The following SMURF1 variants were observed in gnomAD, a reference collection of about 807,000 sequenced individuals.
The protein encoded by SMURF1 is SMAD specific E3 ubiquitin protein ligase 1.
A neutral mutation model predicts 98.0 loss-of-function variants in SMURF1; 44 were observed. The ratio of observed to expected loss-of-function variants is 0.45; its 90% confidence interval spans 0.35 to 0.58. The LOEUF (loss-of-function observed/expected upper bound fraction) is 0.58, where lower values mean the gene tolerates loss of function less well. Among genes scored for constraint, SMURF1 ranks in the 20% least tolerant of loss-of-function variants. The probability of loss-of-function intolerance (pLI) is 0.00; values close to 1 mark genes in which losing one functional copy is unlikely to be tolerated. For missense variants in SMURF1, 687 were observed against 938.4 expected, an observed-to-expected ratio of 0.73 and a Z score of 3.50; for synonymous variants, 396 against 374.9, an observed-to-expected ratio of 1.06 and a Z score of -0.65.
chr7:99,121,909 G>A (rs1797635994), intron 1 of SMURF1, among the ~76,000 whole-genome samples: 1 of 152,196 alleles, frequency 6.6e-6, no homozygotes. Flanking sequence ...AGGAACCAGG[G>A]AGCGGCGAGG....
intron 5 of SMURF1, among the ~76,000 whole-genome samples, chr7:99,056,150 G>A (rs1413489600): frequency 1.3e-5 from 2 of 152,166 alleles, no homozygotes; most frequent in East Asian, 1.9e-4. Flanking sequence ...GAAAGCATTC[G>A]GTGAGAACTT....
At position 99,060,603 on chromosome 7, in the gene SMURF1, C is replaced by A; in HGVS notation, c.199G>T (p.Asp67Tyr). 1.2e-6 allele frequency: 2 copies of A among 1,611,986 alleles called. No homozygotes were observed. Among genetic ancestry groups the A allele is most frequent in the Non-Finnish European group, 1.7e-6 (2 of 1,178,792 alleles). The change falls in exon 3 of 18, where the codon GAT becomes TAT. Residue 67 changes from aspartate to tyrosine, a missense_variant. Coordinates refer to ENST00000361368, the MANE Select transcript of SMURF1 (RefSeq NM_181349.3). ...CTTACAGAACATTCAACTCACAGAT[C>A]ATAGTGCTGGTTCCACTTTGGGTCC... ...TLDPKWNQHY[D>Y]LYVGKTDSIT...
intron 1 of SMURF1, among the ~76,000 whole-genome samples, chr7:99,087,668 G>A (rs1371850712): frequency 6.6e-6 from 1 of 152,192 alleles, no homozygotes; most frequent in East Asian, 1.9e-4. Flanking sequence ...GATAGTGCAA[G>A]GCTGATCGCT....
At chr7:99,049,276 G>A (rs1201381827) in intron 9 of SMURF1, 14 of 363,870 alleles carry the variant, frequency 3.8e-5, no homozygotes, top group African/African-American at 1.5e-4. Flanking sequence ...TCATGAGAGC[G>A]CTGCGTGCGG....
chr7:99,110,104 G>C (rs1797286177), intron 1 of SMURF1, among the ~76,000 whole-genome samples: 1 of 152,038 alleles, frequency 6.6e-6, no homozygotes, highest in Non-Finnish European at 1.5e-5. Flanking sequence ...CTATTATAAA[G>C]AATAAGAATA....
At chr7:99,134,246 A>T (rs959471742) in intron 1 of SMURF1, among the ~76,000 whole-genome samples, 19 of 151,894 alleles carry the variant, frequency 1.3e-4, no homozygotes, top group African/African-American at 4.4e-4. Context: ...CAATCCTTAG[A>T]ATCTGTGAAC....
At chr7:99,102,738 G>C (rs181917452) in intron 1 of SMURF1, among the ~76,000 whole-genome samples, 2 of 152,258 alleles carry the variant, frequency 1.3e-5, no homozygotes, top group Admixed American at 1.3e-4. Flanking sequence ...TAGATAATTA[G>C]AAAGCATCAA....
chr7:99,086,571 A>C (rs536166265), intron 1 of SMURF1, among the ~76,000 whole-genome samples: 4 of 152,174 alleles, frequency 2.6e-5, no homozygotes, highest in Non-Finnish European at 5.9e-5. Context: ...TAAAATACCA[A>C]AGAAAAGTGA....
rs571165001 is a variant in SMURF1 at position 99,092,894 on chromosome 7, G to A, written c.56-31057C>T. On this transcript the variant is annotated intron_variant, in intron 1 of 17. Transcript: ENST00000361368. ...CCTAACCCCCTATTCCTCTGGGAAC[G>A]ATGGTTCAGGATTCGCTAATTTGGT... 3.3e-5 allele frequency among the ~76,000 whole-genome samples: 5 copies of A among 152,294 alleles called. No homozygotes were observed. In the East Asian group the frequency reaches 5.8e-4, roughly 18 times the overall value.
intron 1 of SMURF1, among the ~76,000 whole-genome samples, chr7:99,086,336 A>C (rs1338444739): frequency 6.6e-6 from 1 of 151,200 alleles, no homozygotes; most frequent in African/African-American, 2.4e-5. Context: ...ACAGAGTGAG[A>C]CTCTCTCAAA....
At chr7:99,050,334 C>T (rs1277539459) in intron 8 of SMURF1, 1 of 152,768 alleles carries the variant, frequency 6.5e-6, no homozygotes, top group East Asian at 1.9e-4. Flanking sequence ...TGTCAGAAAA[C>T]TATCTGAATT....
In SMURF1 at chr7:99,045,789, G is replaced by A; in HGVS notation, c.1165C>T (p.Gln389Ter). The A allele has an allele frequency of 6.2e-7, 1 of 1,613,552 alleles. No individual in the cohort carries two copies. The highest frequency in any genetic ancestry group is 8.5e-7 in the Non-Finnish European group (1 of 1,179,492). ...REEIFEESYR[Q>*]IMKMRPKDLK... Reference sequence around the variant, plus strand: ...TCTTTCGGTCGCATCTTCATTATCTGGCGGTAAGACTCCTGAAGAGCAACA... The same window carrying A: ...TCTTTCGGTCGCATCTTCATTATCTAGCGGTAAGACTCCTGAAGAGCAACA... Residue 389 changes from glutamine (Q) to a stop codon, truncating the protein, a stop_gained, in exon 11 of 18, where the codon CAG becomes TAG. Coordinates refer to ENST00000361368, the MANE Select transcript of SMURF1 (RefSeq NM_181349.3). LOFTEE classifies it high-confidence loss of function.
At position 99,045,770 on chromosome 7, in the gene SMURF1, G is replaced by A. The variant is rs760459049; in HGVS notation, c.1184C>T (p.Pro395Leu). 7.4e-6 allele frequency: 12 copies of A among 1,613,956 alleles called. No homozygotes were observed. The highest frequency in any genetic ancestry group is 1.0e-5 in the Non-Finnish European group (12 of 1,180,006). The change falls in exon 11 of 18, where the codon CCG becomes CTG. Residue 395 changes from proline to leucine, a missense_variant. This residue lies in a region of SMURF1 where 415 missense variants were observed against 508.4 expected (regional missense o/e 0.82). Transcript: ENST00000361368. Reference sequence around the variant, plus strand: ...CATCAGCCGTTTTTTCAAGTCTTTCGGTCGCATCTTCATTATCTGGCGGTA... The same window carrying A: ...CATCAGCCGTTTTTTCAAGTCTTTCAGTCGCATCTTCATTATCTGGCGGTA... ...ESYRQIMKMR[P>L]KDLKKRLMVK...
chr7:99,042,566 C>A (rs971006834), intron 11 of SMURF1, among the ~76,000 whole-genome samples: 1 of 152,188 alleles, frequency 6.6e-6, no homozygotes, highest in African/African-American at 2.4e-5. Context: ...TGAGCCACCA[C>A]GCTCAGCCTA....
At chr7:99,032,401 G>A (rs1390238620) in intron 17 of SMURF1, among the ~76,000 whole-genome samples, 1 of 152,228 alleles carries the variant, frequency 6.6e-6, no homozygotes, top group Non-Finnish European at 1.5e-5. Flanking sequence ...GGGCTTGGTG[G>A]CTCACGCCTG....
chr7:99,113,837 TAAAAAAAAAAA>T (rs71118659), intron 1 of SMURF1, among the ~76,000 whole-genome samples: 2 of 33,950 alleles, frequency 5.9e-5, no homozygotes, highest in African/African-American at 2.9e-4. Context: ...AGACTCCGTC[TAAAAAAAAAAA>T]AAAAAAAAAA....
At position 99,030,671 on chromosome 7, in the gene SMURF1, G is replaced by A. The variant is rs537408968; in HGVS notation, c.2109C>T (p.Ile703=). 29 of 1,613,858 alleles carry A rather than the reference G, an allele frequency of 1.8e-5. No homozygotes were observed. Among genetic ancestry groups the A allele is most frequent in the Admixed American group, 1.2e-4 (7 of 60,000 alleles). ...LPKAHTCFNR[I]DIPPYESYEK... The stretch of plus-strand genomic sequence containing the variant: ...CATAGGACTCATATGGTGGAATGTC[G>A]ATCCGGTTAAAGCTGAAAAAGGACA... Residue 703 remains isoleucine, a synonymous_variant, in exon 18 of 18, where the codon ATC becomes ATT. Coordinates refer to ENST00000361368, the MANE Select transcript of SMURF1 (RefSeq NM_181349.3).
Position 99,045,740 on chromosome 7 carries a change from T to G in SMURF1, c.1214A>C (p.Lys405Thr). Residue 405 changes from lysine (K) to threonine (T), a missense_variant, in exon 11 of 18, where the codon AAA becomes ACA. Physicochemically the swap from Lys to Thr is moderately conservative, Grantham distance 78. Coordinates refer to ENST00000361368, the MANE Select transcript of SMURF1 (RefSeq NM_181349.3). ...ATCCAAACCTTCTTCCCCACGGAAT[T>G]TCACCATCAGCCGTTTTTTCAAGTC... ...PKDLKKRLMV[K>T]FRGEEGLDYG... is the part of the protein sequence containing the mutation. 1 of 1,614,238 alleles carries G rather than the reference T, an allele frequency of 6.2e-7. No individual in the cohort carries two copies. Among genetic ancestry groups the G allele is most frequent in the Middle Eastern group, 1.6e-4 (1 of 6,062 alleles).
At chr7:99,033,165 C>A in intron 16 of SMURF1, 44 bp from the exon 17 acceptor site, 1 of 1,542,806 alleles carries the variant, frequency 6.5e-7, no homozygotes, top group Non-Finnish European at 8.8e-7. Context: ...GAGTTACAGC[C>A]GTGGCGCTTC....
Sources: gnomAD v4.1 joint callset for allele counts (sites outside exome capture counted in the v4.1 genomes callset) on GRCh38, gnomAD v4.1.1 for gene constraint, gnomAD v4.1.1 regional missense constraint, MANE v1.5 for transcripts, NCBI Gene and HGNC (gene_info 2026-07-23, HGNC 2026-07-21) for gene names.